The following ESRRG variants were observed in gnomAD, a reference collection of about 807,000 sequenced individuals.
ESRRG encodes the protein estrogen-related receptor gamma.
ESRRG carries 13 observed loss-of-function variants against 44.0 expected under a neutral mutation model. The ratio of observed to expected loss-of-function variants is 0.30; its 90% CI spans 0.19 to 0.47. The LOEUF (loss-of-function observed/expected upper bound fraction) is 0.47. Among genes scored for constraint, ESRRG ranks in the 20% least tolerant of loss-of-function variants. The pLI, the probability that ESRRG is intolerant of heterozygous loss-of-function variation, is 1.00. For synonymous variants in ESRRG, 215 were observed against 214.6 expected (o/e 1.00, Z -0.02); for missense variants, 395 against 580.6 (o/e 0.68, Z 3.29).
chr1:216,782,072 C>T (rs914580226), intron 2 of ESRRG, among the ~76,000 whole-genome samples: 1 of 151,990 alleles, frequency 6.6e-6, no homozygotes, highest in Admixed American at 6.6e-5. Flanking sequence ...TATGACACAC[C>T]ATTTCTTCCA....
intron 2 of ESRRG, among the ~76,000 whole-genome samples, chr1:216,905,458 A>G (rs1577954694): frequency 1.3e-5 from 2 of 152,254 alleles, no homozygotes; most frequent in South Asian, 2.1e-4. Flanking sequence ...TACCCCTTAA[A>G]GTTCAACCCT....
At chr1:216,830,947 C>T (rs926711258) in intron 2 of ESRRG, among the ~76,000 whole-genome samples, 1 of 151,998 alleles carries the variant, frequency 6.6e-6, no homozygotes, top group Non-Finnish European at 1.5e-5. Flanking sequence ...GGCGTGCTCT[C>T]ACCTCCTACA....
At chr1:216,913,076 A>G (rs2060666552) in intron 2 of ESRRG, among the ~76,000 whole-genome samples, 1 of 147,292 alleles carries the variant, frequency 6.8e-6, no homozygotes, top group Non-Finnish European at 1.5e-5. Flanking sequence ...GTGAACCGAG[A>G]TCGCACTACT....
At chr1:216,601,134 G>A (rs1468339211) in intron 3 of ESRRG, among the ~76,000 whole-genome samples, 1 of 152,066 alleles carries the variant, frequency 6.6e-6, no homozygotes, top group African/African-American at 2.4e-5. Flanking sequence ...GCGGGCTCCT[G>A]CCCACTGCCA....
intron 2 of ESRRG, among the ~76,000 whole-genome samples, chr1:216,859,260 A>G (rs2096008168): frequency 6.6e-6 from 1 of 152,202 alleles, no homozygotes; most frequent in African/African-American, 2.4e-5. Context: ...GAGATTAGAA[A>G]CAAATAAGGT....
chr1:217,074,045 A>G (rs2090941512), intron 1 of ESRRG, among the ~76,000 whole-genome samples: 2 of 147,874 alleles, frequency 1.4e-5, no homozygotes, highest in East Asian at 2.0e-4. Context: ...GTAATTATGA[A>G]TGCTTTTTTT....
At chr1:216,847,814 G>C (rs2095779807) in intron 2 of ESRRG, among the ~76,000 whole-genome samples, 1 of 152,046 alleles carries the variant, frequency 6.6e-6, no homozygotes, top group African/African-American at 2.4e-5. Flanking sequence ...GCATCTGGTT[G>C]GCAAGAAACA....
rs565453002 is a variant in ESRRG at position 216,839,610 on chromosome 1, T to A, written c.-14+99972A>T. ...TGAAAGTCAAAATTATTTCTTGATTTATGAGCTGCAGAATTGATGTTGTGT... is the reference window on the plus strand; with the variant it reads ...TGAAAGTCAAAATTATTTCTTGATTAATGAGCTGCAGAATTGATGTTGTGT... On this transcript the variant is annotated intron_variant, in intron 2 of 7. Transcript: ENST00000359162. Among the ~76,000 whole-genome samples the A allele has an allele frequency of 4.6e-5, 7 of 152,338 alleles. No individual in the cohort carries two copies. In the South Asian group the frequency reaches 1.4e-3, roughly 32 times the overall value.
chr1:216,779,713 C>T (rs1397082802), intron 2 of ESRRG, among the ~76,000 whole-genome samples: 1 of 148,042 alleles, frequency 6.8e-6, no homozygotes, highest in Non-Finnish European at 1.5e-5. Context: ...ACAATTTAGT[C>T]ACAAATATTG....
chr1:216,813,960 G>A (rs1576837490), intron 2 of ESRRG, among the ~76,000 whole-genome samples: 1 of 152,160 alleles, frequency 6.6e-6, no homozygotes, highest in East Asian at 1.9e-4. Flanking sequence ...ACAATAAAGA[G>A]ATTAAGCATG....
At chr1:216,771,644 T>C (rs141830174) in intron 2 of ESRRG, among the ~76,000 whole-genome samples, 1 of 152,256 alleles carries the variant, frequency 6.6e-6, no homozygotes, top group African/African-American at 2.4e-5. Flanking sequence ...AAAGCTTCCT[T>C]ATGTACTGCA....
chr1:217,021,573 C>T (rs866508744), intron 1 of ESRRG, among the ~76,000 whole-genome samples: 12 of 152,196 alleles, frequency 7.9e-5, no homozygotes, highest in South Asian at 2.1e-4. Context: ...TGTTGCCATG[C>T]TTAATTTATC....
chr1:216,950,718 T>A (rs939087262), intron 1 of ESRRG, among the ~76,000 whole-genome samples: 12 of 152,204 alleles, frequency 7.9e-5, no homozygotes. Context: ...TGATTATCTA[T>A]TTGTGACATA....
chr1:216,990,755 TATAAC>T (rs1394705531), intron 1 of ESRRG, among the ~76,000 whole-genome samples: 1 of 152,232 alleles, frequency 6.6e-6, no homozygotes, highest in African/African-American at 2.4e-5. Flanking sequence ...ATATAACACA[TATAAC>T]ATACAAAATA....
chr1:216,628,714 T>C (rs2063599865), intron 3 of ESRRG, among the ~76,000 whole-genome samples: 2 of 152,162 alleles, frequency 1.3e-5, no homozygotes, highest in Non-Finnish European at 2.9e-5. Flanking sequence ...ATAGTGTTCC[T>C]ACTAAAACAT....
intron 1 of ESRRG, among the ~76,000 whole-genome samples, chr1:217,021,757 T>C (rs1473794062): frequency 1.3e-5 from 2 of 152,292 alleles, no homozygotes; most frequent in South Asian, 2.1e-4. Flanking sequence ...CTACAAAGGA[T>C]TGAACCATTG....
intron 1 of ESRRG, among the ~76,000 whole-genome samples, chr1:216,956,444 T>A (rs1578643984): frequency 1.3e-5 from 2 of 152,326 alleles, no homozygotes; most frequent in South Asian, 4.1e-4. Context: ...CTGAGTTATC[T>A]ACTCTGTTCC....
intron 1 of ESRRG, among the ~76,000 whole-genome samples, chr1:216,977,288 AAAAATCCTTACAAATGGGAGACT>A (rs2073121825): frequency 6.6e-6 from 1 of 151,472 alleles, no homozygotes; most frequent in Non-Finnish European, 1.5e-5. Flanking sequence ...TACCAGAAGG[AAAAATCCTTACAAATGGGAGACT>A]ACACAAACAA....
rs752475805 is a variant in ESRRG, at chr1:216,651,120, T to C, written c.473-31A>G. The C allele has an allele frequency of 4.4e-6, 6 of 1,364,358 alleles. No individual in the cohort carries two copies. In the Admixed American group the frequency reaches 1.0e-4, roughly 23 times the overall value. The allele number at this position is 1,364,358 out of a possible 1,614,324, so 84.5% of individuals were successfully genotyped here. A position where few individuals can be genotyped will look rare whatever the true frequency, so the allele number is the denominator to read the frequency against. ...ACACAAGTTTGAAGAAAAGTTGTCATATTTACAAGATCCAGGAAACATTAG... is the reference window on the plus strand; with the variant it reads ...ACACAAGTTTGAAGAAAAGTTGTCACATTTACAAGATCCAGGAAACATTAG... On this transcript the variant is annotated intron_variant, in intron 2 of 6. Transcript: ENST00000408911.
Sources: gnomAD v4.1 joint callset for allele counts (sites outside exome capture counted in the v4.1 genomes callset) on GRCh38, gnomAD v4.1.1 for gene constraint, MANE v1.5 for transcripts, NCBI Gene and HGNC (gene_info 2026-07-23, HGNC 2026-07-21) for gene names.